SPAG16: variants seen among roughly 807,000 people sequenced by gnomAD.
The protein encoded by SPAG16 is sperm-associated antigen 16 protein.
In SPAG16, 86 loss-of-function variants were observed where a neutral mutation model predicts 80.4. The ratio of observed to expected loss-of-function variants is 1.07; its 90% CI spans 0.90 to 1.28. SPAG16 has a LOEUF of 1.28. SPAG16 is among the 50% of genes most tolerant of loss of function. The probability of loss-of-function intolerance (pLI) is 0.00; values close to 1 mark genes in which losing one functional copy is unlikely to be tolerated. For missense variants in SPAG16, 870 were observed against 765.3 expected (o/e 1.14, Z -1.61); for synonymous variants, 294 against 265.9 (o/e 1.11, Z -1.03).
intron 10 of SPAG16, among the ~76,000 whole-genome samples, chr2:213,760,182 A>T (rs2068578273): frequency 6.6e-6 from 1 of 152,226 alleles, no homozygotes; most frequent in East Asian, 1.9e-4. Flanking sequence ...TGTGTACAAG[A>T]GACTCATTTT....
intron 15 of SPAG16, among the ~76,000 whole-genome samples, chr2:214,282,513 T>C (rs1027403693): frequency 6.6e-6 from 1 of 152,212 alleles, no homozygotes; most frequent in Non-Finnish European, 1.5e-5. Context: ...GAGGAAGCTT[T>C]ATCTGGGAAT....
Position 213,480,259 on chromosome 2 carries a change from A to G in SPAG16, c.943-9704A>G, listed in dbSNP as rs539480720. On this transcript the variant is annotated intron_variant, in intron 9 of 15. Transcript: ENST00000331683. ...AATTTTCAGTTAGCTAAGATGCTAT[A>G]ACTTTGGGCATAAACTTGCATTTAT... Among the ~76,000 whole-genome samples, 4 of 152,324 alleles carry G rather than the reference A, an allele frequency of 2.6e-5. No individual in the cohort carries two copies. The South Asian group carries it at 6.2e-4, about 24-fold the overall frequency.
intron 9 of SPAG16, among the ~76,000 whole-genome samples, chr2:213,474,256 C>G (rs2073253872): frequency 6.6e-6 from 1 of 152,184 alleles, no homozygotes; most frequent in Admixed American, 6.5e-5. Flanking sequence ...TGCACATGCA[C>G]TTTTTGTTGT....
At chr2:213,961,541 C>T (rs1288315506) in intron 12 of SPAG16, among the ~76,000 whole-genome samples, 1 of 148,038 alleles carries the variant, frequency 6.8e-6, no homozygotes, top group Admixed American at 6.7e-5. Flanking sequence ...TTTTTTGTAG[C>T]TGCCTGCCTT....
intron 10 of SPAG16, among the ~76,000 whole-genome samples, chr2:213,658,250 T>C (rs2063293325): frequency 6.6e-6 from 1 of 152,136 alleles, no homozygotes; most frequent in African/African-American, 2.4e-5. Flanking sequence ...CTCCACTTTT[T>C]GCTTAAAAAC....
At chr2:213,699,467 T>A (rs1259054183) in intron 10 of SPAG16, among the ~76,000 whole-genome samples, 3 of 152,112 alleles carry the variant, frequency 2.0e-5, no homozygotes, top group African/African-American at 7.2e-5. Flanking sequence ...GAAAAGAAAT[T>A]TAAAGAAAAT....
intron 10 of SPAG16, among the ~76,000 whole-genome samples, chr2:213,686,577 A>T (rs1023272340): frequency 6.7e-6 from 1 of 149,736 alleles, no homozygotes; most frequent in Non-Finnish European, 1.5e-5. Flanking sequence ...ATTGGATTTT[A>T]CTTTCTTGTT....
intron 10 of SPAG16, among the ~76,000 whole-genome samples, chr2:213,541,134 C>T (rs115274636): frequency 5.5e-4 from 84 of 152,224 alleles, no homozygotes; most frequent in African/African-American, 1.9e-3. Context: ...GTTTCATTTA[C>T]GGTGAAAACG....
At chr2:214,128,382 C>T (rs1188165712) in intron 14 of SPAG16, among the ~76,000 whole-genome samples, 2 of 151,704 alleles carry the variant, frequency 1.3e-5, no homozygotes, top group Non-Finnish European at 2.9e-5. Context: ...ATTGAGAAAG[C>T]AACAAGAGAG....
chr2:214,405,989 G>T (rs1701977674), intron 15 of SPAG16, among the ~76,000 whole-genome samples: 1 of 152,130 alleles, frequency 6.6e-6, no homozygotes, highest in Admixed American at 6.5e-5. Flanking sequence ...AAAGAAATGG[G>T]CTCAAACCCT....
intron 12 of SPAG16, among the ~76,000 whole-genome samples, chr2:213,975,491 G>T (rs1171644634): frequency 6.6e-6 from 1 of 151,572 alleles, no homozygotes; most frequent in Non-Finnish European, 1.5e-5. Flanking sequence ...TAAAGGAAAT[G>T]GCAATATTAC....
At chr2:213,923,834 G>A (rs953623134) in intron 11 of SPAG16, 4 of 152,514 alleles carry the variant, frequency 2.6e-5, no homozygotes, top group Non-Finnish European at 5.9e-5. Context: ...ACATAGAGGT[G>A]GGATGACTGG....
intron 15 of SPAG16, among the ~76,000 whole-genome samples, chr2:214,185,789 G>T (rs945084891): frequency 6.6e-6 from 1 of 152,088 alleles, no homozygotes; most frequent in Non-Finnish European, 1.5e-5. Context: ...GGAGACCAGA[G>T]AGCAGAGGGA....
intron 15 of SPAG16, among the ~76,000 whole-genome samples, chr2:214,204,717 C>G (rs1295645845): frequency 1.3e-5 from 2 of 152,062 alleles, no homozygotes; most frequent in Admixed American, 6.6e-5. Flanking sequence ...CATAATCTAC[C>G]CAAATGAGAA....
intron 10 of SPAG16, among the ~76,000 whole-genome samples, chr2:213,820,605 A>G (rs1289984309): frequency 6.6e-6 from 1 of 152,066 alleles, no homozygotes; most frequent in Non-Finnish European, 1.5e-5. Context: ...AAATTATTTT[A>G]TGTCTGCATT....
At chr2:214,052,761 C>A (rs72936000) in intron 13 of SPAG16, among the ~76,000 whole-genome samples, 30,072 of 152,054 alleles carry the variant, frequency 0.2, 3,102 homozygotes, top group East Asian at 0.26. Flanking sequence ...TCTTCTCATA[C>A]TTCCCCTCTG....
At chr2:213,671,642 A>G (rs902445395) in intron 10 of SPAG16, among the ~76,000 whole-genome samples, 5 of 152,086 alleles carry the variant, frequency 3.3e-5, no homozygotes, top group Admixed American at 2.6e-4. Context: ...GTGTTTCCCT[A>G]TGTATGTTCC....
chr2:213,297,316 A>G lies in SPAG16; in HGVS notation c.238A>G (p.Ile80Val), dbSNP rs1361157580. The G allele has an allele frequency of 1.2e-6, 2 of 1,612,984 alleles. No homozygotes were observed. The highest frequency in any genetic ancestry group is 3.3e-5 in the Admixed American group (2 of 59,940). ...AGGTGAAGAAGATCTGGCAAAAGCA[A>G]TTCAGATGGCCCAAGAACAGGCTAC... ...PEGEEDLAKAIQMAQEQATDT... is the reference protein window; with the variant it reads ...PEGEEDLAKAVQMAQEQATDT... The change falls in exon 3 of 16, where the codon ATT becomes GTT. Residue 80 changes from isoleucine to valine, a missense_variant. Coordinates refer to ENST00000331683, the MANE Select transcript of SPAG16 (RefSeq NM_024532.5).
intron 11 of SPAG16, among the ~76,000 whole-genome samples, chr2:213,888,681 T>A (rs1401717091): frequency 6.6e-6 from 1 of 151,908 alleles, no homozygotes; most frequent in Non-Finnish European, 1.5e-5. Flanking sequence ...AAGAATTTAC[T>A]CCTAACCTTT....
Sources: gnomAD v4.1 joint callset for allele counts (sites outside exome capture counted in the v4.1 genomes callset) on GRCh38, gnomAD v4.1.1 for gene constraint, MANE v1.5 for transcripts, NCBI Gene and HGNC (gene_info 2026-07-23, HGNC 2026-07-21) for gene names.